Variants in MCC observed in about 807,000 individuals in gnomAD.
MCC encodes the protein colorectal mutant cancer protein.
MCC carries 90 observed loss-of-function variants against 116.2 expected under a neutral mutation model. That is an observed-to-expected ratio of 0.77 (90% CI 0.65 to 0.92). The LOEUF (loss-of-function observed/expected upper bound fraction) is 0.92. Among genes scored for constraint, MCC ranks in the 40% least tolerant of loss-of-function variants. The pLI is 0.00. For missense variants in MCC, 1,516 were observed against 1,312.2 expected (o/e 1.16, Z -2.40); for synonymous variants, 578 against 510.5 (o/e 1.13, Z -1.78).
intron 1 of MCC, among the ~76,000 whole-genome samples, chr5:113,451,379 T>G (rs796563771): frequency 1.1e-4 from 17 of 152,366 alleles, no homozygotes; most frequent in African/African-American, 4.1e-4. Context: ...TTTATTATTG[T>G]ACTGGTCACC....
intron 5 of MCC, among the ~76,000 whole-genome samples, chr5:113,139,326 T>C (rs566404041): frequency 6.6e-5 from 10 of 152,198 alleles, no homozygotes; most frequent in Non-Finnish European, 1.2e-4. Context: ...TTTCAGTTAT[T>C]CAAACTGGTG....
In MCC at chr5:113,024,944, G is replaced by A. The variant is rs1750426428; in HGVS notation, c.*2358C>T. The A allele has an allele frequency of 6.6e-6, 1 of 152,124 alleles. No homozygotes were observed. Among genetic ancestry groups the A allele is most frequent in the Non-Finnish European group, 1.5e-5 (1 of 68,024 alleles). 9.4% of individuals were successfully genotyped at this position (152,124 alleles called of 1,614,324 possible). A position where few individuals can be genotyped will look rare whatever the true frequency, so the allele number is the denominator to read the frequency against. ...GTTTTTACCCAAATCACATTTGAAA[G>A]TACTAAAACTAAGGTCAGGTAGCAT... is the stretch of plus-strand genomic sequence containing the variant. On this transcript the variant is annotated 3_prime_UTR_variant, in exon 19 of 19. Coordinates refer to ENST00000408903, the MANE Select transcript of MCC (RefSeq NM_001085377.2).
chr5:113,167,390 C>A (rs898874071), intron 3 of MCC, among the ~76,000 whole-genome samples: 10 of 152,164 alleles, frequency 6.6e-5, no homozygotes, highest in African/African-American at 1.9e-4. Context: ...ATTTACACAC[C>A]TGCAGGGCTG....
intron 3 of MCC, among the ~76,000 whole-genome samples, chr5:113,275,444 C>T (rs1235936930): frequency 2.6e-5 from 4 of 152,136 alleles, no homozygotes; most frequent in Non-Finnish European, 5.9e-5. Context: ...ACTAGCAATG[C>T]GTAATTGTAG....
chr5:113,377,159 A>T (rs763488685), intron 2 of MCC, among the ~76,000 whole-genome samples: 1 of 152,194 alleles, frequency 6.6e-6, no homozygotes, highest in Non-Finnish European at 1.5e-5. Context: ...CTTCTCCAAT[A>T]TGGTCACATT....
intron 1 of MCC, among the ~76,000 whole-genome samples, chr5:113,438,611 A>G (rs1770936069): frequency 6.6e-6 from 1 of 152,146 alleles, no homozygotes; most frequent in African/African-American, 2.4e-5. Context: ...ATTCTACTCC[A>G]TTGGGCCCAA....
intron 3 of MCC, among the ~76,000 whole-genome samples, chr5:113,216,605 G>T (rs1487749760): frequency 6.6e-6 from 1 of 152,132 alleles, no homozygotes; most frequent in Non-Finnish European, 1.5e-5. Flanking sequence ...TGTTTACAAG[G>T]TATTTTTAAA....
chr5:113,252,237 C>G (rs1764829181), intron 3 of MCC, among the ~76,000 whole-genome samples: 1 of 152,138 alleles, frequency 6.6e-6, no homozygotes, highest in African/African-American at 2.4e-5. Context: ...CAAGGGTCCC[C>G]AGCCCCCGGG....
At chr5:113,194,378 C>G (rs1036167669) in intron 3 of MCC, among the ~76,000 whole-genome samples, 1 of 152,166 alleles carries the variant, frequency 6.6e-6, no homozygotes, top group Non-Finnish European at 1.5e-5. Context: ...ACTCAAAAGG[C>G]CTCCTGGTCT....
At chr5:113,132,208 T>C (rs1038631273) in intron 5 of MCC, among the ~76,000 whole-genome samples, 1 of 151,498 alleles carries the variant, frequency 6.6e-6, no homozygotes, top group African/African-American at 2.4e-5. Flanking sequence ...TTCCTAACAA[T>C]AGTATTGTAA....
intron 3 of MCC, among the ~76,000 whole-genome samples, chr5:113,305,788 T>C (rs1320735405): frequency 1.3e-5 from 2 of 152,212 alleles, no homozygotes; most frequent in African/African-American, 4.8e-5. Context: ...TATCATAAAA[T>C]TTACCTTTTA....
chr5:113,320,630 C>A (rs1437775462), intron 3 of MCC, among the ~76,000 whole-genome samples: 5 of 152,120 alleles, frequency 3.3e-5, no homozygotes. Flanking sequence ...TTTTCAGGAA[C>A]CAGCAACTGG....
At chr5:113,294,435 A>G (rs1035066413) in intron 3 of MCC, 16 of 1,612,748 alleles carry the variant, frequency 9.9e-6, no homozygotes, top group African/African-American at 1.3e-5. Flanking sequence ...TCGGAGCTTA[A>G]GAGTTGGACT....
At chr5:113,205,659 T>C (rs1044316811) in intron 3 of MCC, among the ~76,000 whole-genome samples, 5 of 152,214 alleles carry the variant, frequency 3.3e-5, no homozygotes, top group Non-Finnish European at 7.3e-5. Flanking sequence ...AGCTCTAAAG[T>C]TGAAAGAAAG....
chr5:113,046,242 T>C (rs12521395), intron 16 of MCC, among the ~76,000 whole-genome samples: 148,462 of 151,860 alleles, frequency 0.98, 72,579 homozygotes, highest in East Asian at 1. Flanking sequence ...GCCCAGGCTG[T>C]GGTGCGGCTG....
chr5:113,273,318 A>G (rs1014313014), intron 3 of MCC, among the ~76,000 whole-genome samples: 2 of 152,178 alleles, frequency 1.3e-5, no homozygotes, highest in African/African-American at 2.4e-5. Flanking sequence ...CCACTTGCTC[A>G]GGGTTTTCTA....
intron 3 of MCC, among the ~76,000 whole-genome samples, chr5:113,220,063 C>CTTT (rs70973676): frequency 8.1e-5 from 6 of 73,702 alleles, no homozygotes; most frequent in Admixed American, 1.5e-4. Context: ...ATTTCTTTTT[C>CTTT]TTTTTTTTTT....
intron 11 of MCC, among the ~76,000 whole-genome samples, chr5:113,075,303 A>G (rs1274783630): frequency 2.0e-5 from 3 of 152,154 alleles, no homozygotes; most frequent in Admixed American, 6.5e-5. Context: ...GCAGCCTACC[A>G]TGCCCGAGCC....
At chr5:113,402,023 G>A (rs1013763915) in intron 1 of MCC, among the ~76,000 whole-genome samples, 9 of 151,700 alleles carry the variant, frequency 5.9e-5, no homozygotes, top group African/African-American at 1.4e-4. Flanking sequence ...GGCCGGGCGC[G>A]GTGGCTCACG....
Sources: gnomAD v4.1 joint callset for allele counts (sites outside exome capture counted in the v4.1 genomes callset) on GRCh38, gnomAD v4.1.1 for gene constraint, MANE v1.5 for transcripts, NCBI Gene and HGNC (gene_info 2026-07-23, HGNC 2026-07-21) for gene names.